NOSTRIN: variants seen among roughly 807,000 people sequenced by gnomAD.
NOSTRIN encodes BM247 homolog.
NOSTRIN carries 63 observed loss-of-function variants against 59.0 expected under a neutral mutation model. That is an observed-to-expected ratio of 1.07 (90% confidence interval 0.87 to 1.32). The LOEUF is 1.32. NOSTRIN is among the 40% of genes most tolerant of loss of function. NOSTRIN has a pLI of 0.00. For missense variants in NOSTRIN, 512 were observed against 473.1 expected, an observed-to-expected ratio of 1.08 and a Z score of -0.76; for synonymous variants, 200 against 165.4, an observed-to-expected ratio of 1.21 and a Z score of -1.61.
At chr2:168,840,950 ATAGAG>A (rs947217486) in intron 7 of NOSTRIN, among the ~76,000 whole-genome samples, 5 of 152,160 alleles carry the variant, frequency 3.3e-5, no homozygotes, top group African/African-American at 9.7e-5. Flanking sequence ...TCATTTCTAA[ATAGAG>A]TAAAGTTGGA....
rs147179847 is a variant in NOSTRIN at position 168,863,129 on chromosome 2, G to T, written c.1384+1080G>T. 4.4e-3 allele frequency among the ~76,000 whole-genome samples: 677 copies of T among 152,160 alleles called. 2 individuals carry two copies. The highest frequency in any genetic ancestry group is 0.016 in the African/African-American group (645 of 41,514). On this transcript the variant is annotated intron_variant, in intron 15 of 15. Transcript: ENST00000317647. ...TTATCTTGTTTTCAGTTCTCTGTTG[G>T]TTGCAAAGCCTACTTATACTTTATA...
At chr2:168,848,013 T>G (rs1238684681) in intron 8 of NOSTRIN, among the ~76,000 whole-genome samples, 1 of 152,214 alleles carries the variant, frequency 6.6e-6, no homozygotes, top group African/African-American at 2.4e-5. Context: ...ACCTGCCCAC[T>G]AGGGATGCAA....
intron 1 of NOSTRIN, among the ~76,000 whole-genome samples, chr2:168,806,426 A>G (rs1363173807): frequency 6.6e-6 from 1 of 152,090 alleles, no homozygotes; most frequent in Non-Finnish European, 1.5e-5. Flanking sequence ...CTGTCTAAAC[A>G]TTTCATGTGC....
At chr2:168,845,320 G>C (rs115478693) in intron 8 of NOSTRIN, among the ~76,000 whole-genome samples, 2,462 of 152,226 alleles carry the variant, frequency 0.016, 28 homozygotes, top group Non-Finnish European at 0.025. Context: ...GGATGGCCCT[G>C]TTAGGAGATG....
At chr2:168,815,436 C>A (rs1479723209) in intron 2 of NOSTRIN, among the ~76,000 whole-genome samples, 1 of 152,172 alleles carries the variant, frequency 6.6e-6, no homozygotes, top group Non-Finnish European at 1.5e-5. Context: ...TTCCTGCATC[C>A]TCAGAGCTAA....
chr2:168,827,323 A>C (rs1354147324), intron 3 of NOSTRIN, among the ~76,000 whole-genome samples: 1 of 152,148 alleles, frequency 6.6e-6, no homozygotes, highest in Non-Finnish European at 1.5e-5. Context: ...TTTGTGTTAA[A>C]GTGAGATACT....
rs150325271 is a variant in NOSTRIN, at chr2:168,855,005, C to T, written c.856-347C>T. On this transcript the variant is annotated intron_variant, in intron 10 of 15. Coordinates refer to ENST00000317647, the MANE Select transcript of NOSTRIN (RefSeq NM_001039724.4). Reference sequence around the variant, plus strand: ...ATATTACATTTGGGCCATTAAAGGACTCTAACTTGAACAAAAGTAAATAAG... The same window carrying T: ...ATATTACATTTGGGCCATTAAAGGATTCTAACTTGAACAAAAGTAAATAAG... Among the ~76,000 whole-genome samples the T allele has an allele frequency of 3.9e-5, 6 of 152,238 alleles. No homozygotes were observed. The East Asian group carries it at 5.8e-4, about 15-fold the overall frequency.
chr2:168,834,080 C>A, intron 6 of NOSTRIN, 147 bp from the exon 7 acceptor site: 1 of 563,164 alleles, frequency 1.8e-6, no homozygotes, highest in Non-Finnish European at 3.2e-6. Flanking sequence ...ACTAAAAGTA[C>A]ACATTTTTGT....
In NOSTRIN at chr2:168,845,790, C is replaced by T. The variant is rs1390425009; in HGVS notation, c.630+2673C>T. On this transcript the variant is annotated intron_variant, in intron 8 of 15. Coordinates refer to ENST00000317647, the MANE Select transcript of NOSTRIN (RefSeq NM_001039724.4). ...AGACCTAGTTTTAGTTTTTTTCTTC[C>T]TTTTTTTTTTTTTTTTTGTTAGAAT... Among the ~76,000 whole-genome samples, 46 of 140,632 alleles carry T rather than the reference C, an allele frequency of 3.3e-4. 1 individual carries two copies. Among genetic ancestry groups the T allele is most frequent in the African/African-American group, 1.1e-3 (41 of 37,430 alleles). The allele number at this position is 140,632 out of a possible 152,430, so 92.3% of individuals were successfully genotyped here.
chr2:168,832,624 GT>G (rs199709186), intron 6 of NOSTRIN, among the ~76,000 whole-genome samples: 517 of 152,290 alleles, frequency 3.4e-3, no homozygotes, highest in African/African-American at 0.011. Flanking sequence ...AATAAAAAGT[GT>G]TTGATGTAAG....
At chr2:168,797,676 AT>A (rs36018952), upstream of NOSTRIN, among the ~76,000 whole-genome samples, 96,838 of 148,640 alleles carry the variant, frequency 0.65, 31,562 homozygotes, top group African/African-American at 0.74. Flanking sequence ...TTAACCTTAA[AT>A]TTTTTTTTTT....
chr2:168,833,552 G>A (rs778409963), intron 6 of NOSTRIN, among the ~76,000 whole-genome samples: 2 of 152,154 alleles, frequency 1.3e-5, no homozygotes, highest in Non-Finnish European at 2.9e-5. Context: ...ATTTATCTCT[G>A]GAGCATCATC....
chr2:168,798,593 T>C (rs58111829), upstream of NOSTRIN, among the ~76,000 whole-genome samples: 1,982 of 152,106 alleles, frequency 0.013, 45 homozygotes, highest in African/African-American at 0.042. Context: ...GAGCAGAGAC[T>C]GAGAAAGAAA....
rs1326868866 is a variant in NOSTRIN, at chr2:168,859,591, A to C, written c.1133A>C (p.Gln378Pro). ...SMLAELEQRPQPSHPCSNSIF... is the reference protein window; with the variant it reads ...SMLAELEQRPPPSHPCSNSIF... ...TTAGCAGAACTTGAGCAAAGACCTCAACCCAGCCATCCTTGTAGTAATTCC... is the reference window on the plus strand; with the variant it reads ...TTAGCAGAACTTGAGCAAAGACCTCCACCCAGCCATCCTTGTAGTAATTCC... The change falls in exon 13 of 16, where the codon CAA (glutamine) becomes CCA (proline). Residue 378 changes from glutamine (Q) to proline (P), a missense_variant. By Grantham distance (76) the Gln-to-Pro change is moderately conservative. Coordinates refer to ENST00000317647, the MANE Select transcript of NOSTRIN (RefSeq NM_001039724.4). The C allele has an allele frequency of 2.1e-5, 34 of 1,614,004 alleles. No homozygotes were observed. Among genetic ancestry groups the C allele is most frequent in the Non-Finnish European group, 2.8e-5 (33 of 1,179,992 alleles).
upstream of NOSTRIN, among the ~76,000 whole-genome samples, chr2:168,795,752 G>A (rs1271059937): frequency 1.3e-5 from 2 of 152,136 alleles, no homozygotes; most frequent in Admixed American, 6.5e-5. Context: ...CTTATTTTGT[G>A]CAATTTTTAC....
intron 15 of NOSTRIN, chr2:168,863,678 G>T: frequency 1.0e-6 from 1 of 968,274 alleles, no homozygotes; most frequent in Non-Finnish European, 1.2e-6. Flanking sequence ...CTGTGAGTGA[G>T]TTAAACTTTT....
At chr2:168,861,818 T>C (rs530250530) in intron 14 of NOSTRIN, 142 bp from the exon 15 acceptor site, 2 of 687,832 alleles carry the variant, frequency 2.9e-6, no homozygotes, top group East Asian at 2.7e-5. Context: ...GAATGAACAT[T>C]ATATAAAATT....
At position 168,859,563 on chromosome 2, in the gene NOSTRIN, A is replaced by G. The variant is rs763448025; in HGVS notation, c.1105A>G (p.Met369Val). 8.1e-6 allele frequency: 13 copies of G among 1,614,030 alleles called. No individual in the cohort carries two copies. Among genetic ancestry groups the G allele is most frequent in the South Asian group, 4.4e-5 (4 of 91,082 alleles). Residue 369 changes from methionine to valine, a missense_variant, in exon 13 of 16, where the codon ATG becomes GTG. By Grantham distance (21) the Met-to-Val change is conservative (BLOSUM62 1). Transcript: ENST00000317647. ...AGCGAACTCCTACAAACTGTCATCA[A>G]TGTTAGCAGAACTTGAGCAAAGACC... ...LEANSYKLSS[M>V]LAELEQRPQP...
At position 168,828,149 on chromosome 2, in the gene NOSTRIN, TG is replaced by T. The variant is rs748656871; in HGVS notation, c.198-8del. 5.7e-6 allele frequency: 5 copies of T among 872,928 alleles called. No individual in the cohort carries two copies. The Admixed American group carries it at 8.4e-5, about 15-fold the overall frequency. 54.1% of individuals were successfully genotyped at this position (872,928 alleles called of 1,614,324 possible). On this transcript the variant is annotated splice_region_variant and splice_polypyrimidine_tract_variant and intron_variant, in intron 3 of 15. Coordinates refer to ENST00000317647, the MANE Select transcript of NOSTRIN (RefSeq NM_001039724.4). ...CTCACCTTTGTTCCCCACTTTTTTT[TG>T]CCTTTAGTTGTGTTAGCAGTGCCTG...
Sources: allele counts gnomAD v4.1 joint callset (sites outside exome capture counted in the v4.1 genomes callset), GRCh38; gene constraint gnomAD v4.1.1; transcripts MANE v1.5; gene names NCBI Gene and HGNC (gene_info 2026-07-23, HGNC 2026-07-21).